NFATC1: variants seen among roughly 807,000 people sequenced by gnomAD.
The protein encoded by NFATC1 is nuclear factor of activated T-cells, cytoplasmic 1.
NFATC1 carries 22 observed loss-of-function variants against 76.0 expected under a neutral mutation model. The observed-to-expected ratio is 0.29, with a 90% CI of 0.21 to 0.41. NFATC1 has a LOEUF of 0.41. NFATC1 is among the 10% of genes least tolerant of loss of function. NFATC1 has a pLI of 1.00. For synonymous variants in NFATC1, 704 were observed against 613.1 expected (o/e 1.15, Z -2.19); for missense variants, 1,357 against 1,337.7 (o/e 1.01, Z -0.23).
At chr18:79,478,337 C>G (rs1464325195) in intron 8 of NFATC1, among the ~76,000 whole-genome samples, 1 of 152,160 alleles carries the variant, frequency 6.6e-6, no homozygotes, top group East Asian at 1.9e-4. Flanking sequence ...CAGCTGTCCC[C>G]CGGGAGCCAG....
intron 3 of NFATC1, among the ~76,000 whole-genome samples, chr18:79,434,606 G>A (rs1255680259): frequency 6.6e-6 from 1 of 152,286 alleles, no homozygotes; most frequent in African/African-American, 2.4e-5. Flanking sequence ...CTACGCGGCA[G>A]CACAGAGGAT....
chr18:79,432,568 A>C (rs1265415321), intron 2 of NFATC1, among the ~76,000 whole-genome samples: 1 of 152,178 alleles, frequency 6.6e-6, no homozygotes, highest in Non-Finnish European at 1.5e-5. Flanking sequence ...ACTGAGCGGG[A>C]GAGGAGGCTG....
At chr18:79,399,982 TAAAA>T (rs201423108) in intron 1 of NFATC1, among the ~76,000 whole-genome samples, 1 of 149,196 alleles carries the variant, frequency 6.7e-6, no homozygotes, top group African/African-American at 2.5e-5. Context: ...AAAAAAAACT[TAAAA>T]AAAAAATTCC....
chr18:79,495,602 G>T (rs2089858219), intron 9 of NFATC1, among the ~76,000 whole-genome samples: 2 of 152,222 alleles, frequency 1.3e-5, no homozygotes, highest in South Asian at 4.1e-4. Flanking sequence ...TGGGCAATGA[G>T]CACTGTTTAG....
chr18:79,489,031 GACCCGCACGGTGC>G (rs1384616106), intron 9 of NFATC1, among the ~76,000 whole-genome samples: 1 of 152,230 alleles, frequency 6.6e-6, no homozygotes, highest in Non-Finnish European at 1.5e-5. Flanking sequence ...GGGGACTGTT[GACCCGCACGGTGC>G]TCAGGTGAGA....
intron 6 of NFATC1, among the ~76,000 whole-genome samples, chr18:79,458,547 C>A (rs923086086): frequency 2.0e-5 from 3 of 152,204 alleles, no homozygotes; most frequent in African/African-American, 4.8e-5. Context: ...GGAAACCTCG[C>A]GGGTGTGGCA....
rs181643112 is a variant in NFATC1, at chr18:79,490,185, G to A, written c.2782+3248G>A. Among the ~76,000 whole-genome samples the A allele has an allele frequency of 1.9e-3, 294 of 152,324 alleles. 1 individual carries two copies. Among genetic ancestry groups the A allele is most frequent in the African/African-American group, 6.8e-3 (281 of 41,582 alleles). ...TGGCAGAGGAAGTTCTGCTCGTGGT[G>A]TGTGTGAAGGGGAGGGGAGAGTCCT... is the stretch of plus-strand genomic sequence containing the variant. On this transcript the variant is annotated intron_variant, in intron 9 of 9. Transcript: ENST00000427363.
chr18:79,521,260 T>TG (rs1208558385), intron 9 of NFATC1, among the ~76,000 whole-genome samples: 2 of 61,760 alleles, frequency 3.2e-5, no homozygotes, highest in Non-Finnish European at 5.6e-5. Flanking sequence ...TCCATGTGTG[T>TG]GTGGGGGCAT....
chr18:79,477,776 T>C (rs112525537), intron 8 of NFATC1, among the ~76,000 whole-genome samples: 1,888 of 152,348 alleles, frequency 0.012, 45 homozygotes, highest in African/African-American at 0.042. Context: ...AGGTTGGGAC[T>C]GGTACGGTCG....
intron 9 of NFATC1, among the ~76,000 whole-genome samples, chr18:79,498,666 C>T (rs1271336198): frequency 6.6e-6 from 1 of 152,150 alleles, no homozygotes; most frequent in East Asian, 1.9e-4. Flanking sequence ...TCAGTGCATC[C>T]AAATGGTTCA....
chr18:79,522,054 G>T (rs2090611190), intron 9 of NFATC1, among the ~76,000 whole-genome samples: 1 of 103,636 alleles, frequency 9.6e-6, no homozygotes, highest in Non-Finnish European at 2.0e-5. Flanking sequence ...GTGTGGGGAG[G>T]GGGCGTCCAC....
chr18:79,414,473 C>G (rs2085807752), intron 2 of NFATC1, among the ~76,000 whole-genome samples: 1 of 152,180 alleles, frequency 6.6e-6, no homozygotes, highest in Non-Finnish European at 1.5e-5. Context: ...TTGTTCAGCA[C>G]CTGTGGCCCC....
chr18:79,463,082 C>G (rs773323609), intron 7 of NFATC1, among the ~76,000 whole-genome samples: 4 of 152,244 alleles, frequency 2.6e-5, no homozygotes, highest in Non-Finnish European at 5.9e-5. Flanking sequence ...GCCCTTCCCC[C>G]AAGGACCCAT....
chr18:79,510,850 GCCGGGGCA>G (rs2090229195), intron 9 of NFATC1, among the ~76,000 whole-genome samples: 1 of 150,374 alleles, frequency 6.7e-6, no homozygotes, highest in Non-Finnish European at 1.5e-5. Context: ...GGCATCCTCT[GCCGGGGCA>G]TCCTCTGCCG....
rs761651755 is a variant in NFATC1 at position 79,411,008 on chromosome 18, A to G, written c.733A>G (p.Ser245Gly). 7 of 1,610,554 alleles carry G rather than the reference A, an allele frequency of 4.3e-6. No homozygotes were observed. The East Asian group carries it at 1.6e-4, about 36-fold the overall frequency. The part of the protein sequence containing the change: ...RHSPSTSPRA[S>G]VTEESWLGAR... The stretch of plus-strand genomic sequence containing the variant: ...CTCCCCCTCCACCTCGCCCCGCGCC[A>G]GCGTCACTGAGGAGAGCTGGCTGGG... The change falls in exon 2 of 10, where the codon AGC (serine) becomes GGC (glycine). Residue 245 changes from serine (S) to glycine (G), a missense_variant. Ser to Gly is a moderately conservative substitution (Grantham distance 56). This residue lies in a region of NFATC1 where 691 missense variants were observed against 613.1 expected (regional missense o/e 1.13). Coordinates refer to ENST00000427363, the MANE Select transcript of NFATC1 (RefSeq NM_001278669.2).
chr18:79,426,825 C>A (rs953648066), intron 2 of NFATC1, among the ~76,000 whole-genome samples: 1 of 152,264 alleles, frequency 6.6e-6, no homozygotes, highest in Non-Finnish European at 1.5e-5. Flanking sequence ...CCCGGGGCTG[C>A]CCCATAGCAG....
chr18:79,402,522 A>G (rs1182007318), intron 1 of NFATC1, among the ~76,000 whole-genome samples: 1 of 152,188 alleles, frequency 6.6e-6, no homozygotes, highest in Non-Finnish European at 1.5e-5. Flanking sequence ...GGAGCCCCGC[A>G]GAGCTGGGCT....
chr18:79,509,117 T>C (rs941126596), intron 9 of NFATC1, among the ~76,000 whole-genome samples: 1 of 152,234 alleles, frequency 6.6e-6, no homozygotes, highest in Non-Finnish European at 1.5e-5. Flanking sequence ...CTGGGCAGTG[T>C]TGCAGCCTCC....
At chr18:79,411,696 T>C (rs2085692133) in intron 2 of NFATC1, among the ~76,000 whole-genome samples, 195 bp downstream of exon 2, 1 of 152,180 alleles carries the variant, frequency 6.6e-6, no homozygotes, top group Non-Finnish European at 1.5e-5. Flanking sequence ...ATGCAGACTT[T>C]TCCTTGTGCG....
Sources: allele counts gnomAD v4.1 joint callset (sites outside exome capture counted in the v4.1 genomes callset), GRCh38; gene constraint gnomAD v4.1.1; regional missense constraint gnomAD v4.1.1; transcripts MANE v1.5; gene names NCBI Gene and HGNC (gene_info 2026-07-23, HGNC 2026-07-21).